DGKI: variants seen among roughly 807,000 people sequenced by gnomAD.
The protein encoded by DGKI is diacylglycerol kinase iota, also known as DAG kinase iota.
A neutral mutation model predicts 147.5 loss-of-function variants in DGKI; 55 were observed. The ratio of observed to expected loss-of-function variants is 0.37; its 90% CI spans 0.30 to 0.47. The LOEUF is 0.47. Among genes scored for constraint, DGKI ranks in the 20% least tolerant of loss-of-function variants. The pLI is 1.00. For missense variants in DGKI, 1,007 were observed against 1,323.8 expected (o/e 0.76, Z 3.71); for synonymous variants, 469 against 477.1 (o/e 0.98, Z 0.22).
rs951667309 is a variant in DGKI, at chr7:137,382,100, T to C, written c.*9120A>G. 6.6e-6 allele frequency: 1 copy of C among 151,782 alleles called. No homozygotes were observed. Among genetic ancestry groups the C allele is most frequent in the African/African-American group, 2.4e-5 (1 of 41,284 alleles). 9.4% of individuals were successfully genotyped at this position (151,782 alleles called of 1,614,324 possible). On this transcript the variant is annotated 3_prime_UTR_variant, in exon 33 of 33. Transcript: ENST00000614521. The stretch of plus-strand genomic sequence containing the variant: ...TAGATGGTATCTTAAAAGTGATAAA[T>C]CTCACCAACACCTATAAATTTGAAA...
At chr7:137,793,429 T>A (rs1796929207) in intron 1 of DGKI, among the ~76,000 whole-genome samples, 1 of 151,976 alleles carries the variant, frequency 6.6e-6, no homozygotes, top group Non-Finnish European at 1.5e-5. Context: ...GCCTCCTGAG[T>A]AGCTGGGATC....
intron 22 of DGKI, among the ~76,000 whole-genome samples, chr7:137,487,306 G>A (rs1815599838): frequency 6.6e-6 from 1 of 152,042 alleles, no homozygotes; most frequent in African/African-American, 2.4e-5. Flanking sequence ...AGTCCCTGTT[G>A]AAATTCTGAA....
chr7:137,573,702 G>C (rs1245387625), intron 17 of DGKI, among the ~76,000 whole-genome samples: 1 of 152,220 alleles, frequency 6.6e-6, no homozygotes, highest in African/African-American at 2.4e-5. Context: ...ACTGCGCCTG[G>C]CCATTCAGAC....
At chr7:137,396,251 G>A (rs939175671) in intron 31 of DGKI, among the ~76,000 whole-genome samples, 2 of 152,194 alleles carry the variant, frequency 1.3e-5, no homozygotes, top group Non-Finnish European at 2.9e-5. Context: ...GTGGCAGGTG[G>A]AAGGAGGGGG....
intron 20 of DGKI, among the ~76,000 whole-genome samples, chr7:137,539,185 C>T (rs753253921): frequency 5.3e-5 from 8 of 152,156 alleles, no homozygotes; most frequent in Non-Finnish European, 7.4e-5. Context: ...AGAGCTGTGA[C>T]GCCAAGAGAG....
At chr7:137,504,502 A>T (rs969581232) in intron 21 of DGKI, among the ~76,000 whole-genome samples, 4 of 152,236 alleles carry the variant, frequency 2.6e-5, no homozygotes, top group Admixed American at 6.5e-5. Flanking sequence ...TTCTGAAAAG[A>T]ACAATAAATA....
At chr7:137,696,016 G>A (rs1585381016) in intron 1 of DGKI, among the ~76,000 whole-genome samples, 1 of 152,180 alleles carries the variant, frequency 6.6e-6, no homozygotes, top group Non-Finnish European at 1.5e-5. Flanking sequence ...ATCGATAGTT[G>A]CTGCTATTAT....
At chr7:137,557,325 CT>C (rs200981478) in intron 19 of DGKI, among the ~76,000 whole-genome samples, 5,019 of 152,214 alleles carry the variant, frequency 0.033, 131 homozygotes, top group Non-Finnish European at 0.043. Context: ...CAGACTGCCC[CT>C]GTTAGAATCC....
rs78083203 is a variant in DGKI at position 137,442,480 on chromosome 7, C to G, written c.2761+1597G>C. Among the ~76,000 whole-genome samples the G allele has an allele frequency of 6.9e-3, 1,054 of 152,192 alleles. 13 individuals carry two copies. Among genetic ancestry groups the G allele is most frequent in the African/African-American group, 0.024 (1,017 of 41,540 alleles). On this transcript the variant is annotated intron_variant, in intron 28 of 32. Coordinates refer to ENST00000614521, the MANE Select transcript of DGKI (RefSeq NM_001321708.2). ...CAACCAAAAGTCATTAAAGGGAATC[C>G]TAGTTCAAAATAAAAACCAAACACA...
At chr7:137,598,047 T>C (rs915218058) in intron 11 of DGKI, 140 bp from the exon 12 acceptor site, 14 of 694,698 alleles carry the variant, frequency 2.0e-5, no homozygotes, top group African/African-American at 8.8e-5. Flanking sequence ...AATGCTATCA[T>C]AGGTCCCAAG....
intron 23 of DGKI, among the ~76,000 whole-genome samples, chr7:137,474,750 G>A (rs1035409978): frequency 4.6e-5 from 7 of 152,264 alleles, no homozygotes; most frequent in African/African-American, 1.4e-4. Context: ...AAAACAAGGC[G>A]AGAGATTGTA....
chr7:137,696,461 T>TTTTTTG lies in DGKI; in HGVS notation c.402-6460_402-6459insCAAAAA, dbSNP rs1554459920. ...TTTTTTTTTTTTTTTTTTTTTTTTTTTTGCTTAATGTGTAAAAATGGCCTG... is the reference window on the plus strand; with the variant it reads ...TTTTTTTTTTTTTTTTTTTTTTTTTTTTTTTGTTGCTTAATGTGTAAAAATGGCCTG... On this transcript the variant is annotated intron_variant, in intron 1 of 32. Coordinates refer to ENST00000614521, the MANE Select transcript of DGKI (RefSeq NM_001321708.2). 5.4e-4 allele frequency among the ~76,000 whole-genome samples: 59 copies of TTTTTTG among 109,144 alleles called. 6 individuals carry two copies. The highest frequency in any genetic ancestry group is 4.7e-3 in the East Asian group (14 of 2,992). The allele number at this position is 109,144 out of a possible 152,430, so 71.6% of individuals were successfully genotyped here.
intron 1 of DGKI, among the ~76,000 whole-genome samples, chr7:137,814,192 A>C (rs1585524957): frequency 6.6e-6 from 1 of 152,136 alleles, no homozygotes; most frequent in East Asian, 1.9e-4. Flanking sequence ...GGATGACCCC[A>C]CACACAGGAG....
intron 3 of DGKI, 34 bp downstream of exon 3, chr7:137,678,523 G>C: frequency 6.2e-7 from 1 of 1,603,412 alleles, no homozygotes; most frequent in Non-Finnish European, 8.5e-7. Context: ...CAGATCCACA[G>C]GCCTTCCCCC....
intron 19 of DGKI, among the ~76,000 whole-genome samples, chr7:137,553,172 T>G (rs372792731): frequency 2.0e-5 from 3 of 152,254 alleles, no homozygotes; most frequent in Admixed American, 2.0e-4. Flanking sequence ...GCTTTTTCTT[T>G]GTGTTATCTA....
At chr7:137,652,957 C>T (rs1277536627) in intron 5 of DGKI, among the ~76,000 whole-genome samples, 2 of 152,206 alleles carry the variant, frequency 1.3e-5, no homozygotes, top group African/African-American at 4.8e-5. Flanking sequence ...AAGCTCCAAA[C>T]TCATATACCC....
chr7:137,743,241 G>A (rs1795232074), intron 1 of DGKI, among the ~76,000 whole-genome samples: 2 of 152,190 alleles, frequency 1.3e-5, no homozygotes, highest in South Asian at 4.1e-4. Context: ...AACTGGCACA[G>A]AAATTCTGGA....
chr7:137,525,524 C>G (rs1441750967), intron 20 of DGKI, among the ~76,000 whole-genome samples: 1 of 152,180 alleles, frequency 6.6e-6, no homozygotes, highest in Non-Finnish European at 1.5e-5. Flanking sequence ...GTGAGGAGCT[C>G]AGGCTCCAAG....
chr7:137,743,891 G>A (rs972038387), intron 1 of DGKI, among the ~76,000 whole-genome samples: 2 of 151,346 alleles, frequency 1.3e-5, no homozygotes, highest in African/African-American at 4.9e-5. Flanking sequence ...GCTGAGGCAG[G>A]AGAATGGTGT....
Sources: gnomAD v4.1 joint callset for allele counts (sites outside exome capture counted in the v4.1 genomes callset) on GRCh38, gnomAD v4.1.1 for gene constraint, MANE v1.5 for transcripts, NCBI Gene and HGNC (gene_info 2026-07-23, HGNC 2026-07-21) for gene names.